ZNF333: variants seen among roughly 807,000 people sequenced by gnomAD.
ZNF333 encodes the protein zinc finger protein 333.
A neutral mutation model predicts 76.1 loss-of-function variants in ZNF333; 61 were observed. The observed-to-expected ratio is 0.80, with a 90% confidence interval of 0.65 to 0.99. ZNF333 has a LOEUF of 0.99. ZNF333 is among the 50% of genes least tolerant of loss of function. The pLI is 0.00. For missense variants in ZNF333, 717 were observed against 822.4 expected (o/e 0.87, Z 1.57); for synonymous variants, 284 against 305.0 (o/e 0.93, Z 0.72).
chr19:14,706,556 G>A (rs1290531876), intron 6 of ZNF333, 130 bp from the exon 7 acceptor site: 7 of 754,452 alleles, frequency 9.3e-6, no homozygotes, highest in African/African-American at 7.0e-5. Context: ...AGGTAAATGG[G>A]TCTCTCTCTT....
chr19:14,708,366 G>A (rs1019023421), intron 7 of ZNF333: 8 of 401,086 alleles, frequency 2.0e-5, no homozygotes, highest in Non-Finnish European at 3.5e-5. Flanking sequence ...GTGAGATGGG[G>A]ACCAGGAAAC....
chr19:14,694,364 T>C (rs1476370028), intron 2 of ZNF333, among the ~76,000 whole-genome samples: 8 of 151,996 alleles, frequency 5.3e-5, no homozygotes, highest in Non-Finnish European at 1.0e-4. Context: ...TCCCAGCTAC[T>C]TGGGAGGCTG....
Position 14,706,715 on chromosome 19 carries a change from G to A in ZNF333, c.453G>A (p.Arg151=), listed in dbSNP as rs1253115316. 8 of 1,613,946 alleles carry A rather than the reference G, an allele frequency of 5.0e-6. No individual in the cohort carries two copies. Among genetic ancestry groups the A allele is most frequent in the Non-Finnish European group, 6.8e-6 (8 of 1,180,004 alleles). Residue 151 remains arginine, a synonymous_variant, in exon 7 of 12, where the codon AGG becomes AGA. Coordinates refer to ENST00000292530, the MANE Select transcript of ZNF333 (RefSeq NM_032433.4). ...TGLKAAMQIQ[R]VVIPVPTLGH... ...TGAAGGCCGCTATGCAGATTCAGAG[G>A]GTGGTGATACCAGTGCCTACTCTGG...
intron 6 of ZNF333, chr19:14,706,134 C>T (rs1051735943): frequency 9.0e-5 from 41 of 457,496 alleles, no homozygotes; most frequent in Admixed American, 7.8e-4. Context: ...CCAGAGCCAC[C>T]GTTAGTTCTC....
chr19:14,701,934 C>T (rs988981637), intron 5 of ZNF333: 37 of 979,476 alleles, frequency 3.8e-5, no homozygotes, highest in East Asian at 1.1e-4. Flanking sequence ...CAGACCTAAC[C>T]GCAGAGACCA....
chr19:14,707,100 T>G (rs2042131890), intron 7 of ZNF333: 1 of 251,898 alleles, frequency 4.0e-6, no homozygotes, highest in South Asian at 6.6e-5. Context: ...GTGTTTTAAC[T>G]GTGTTTTTAT....
chr19:14,718,564 A>G lies in ZNF333; in HGVS notation c.1237A>G (p.Met413Val). 6.2e-7 allele frequency: 1 copy of G among 1,614,152 alleles called. No individual in the cohort carries two copies. Among genetic ancestry groups the G allele is most frequent in the Non-Finnish European group, 8.5e-7 (1 of 1,180,006 alleles). The change falls in exon 12 of 12, where the codon ATG becomes GTG. Residue 413 changes from methionine (M) to valine (V), a missense_variant. Physicochemically the swap from Met to Val is conservative, Grantham distance 21. Coordinates refer to ENST00000292530, the MANE Select transcript of ZNF333 (RefSeq NM_032433.4). The stretch of plus-strand genomic sequence containing the variant: ...ATATTCCTCGAATCTCCGGCGACAC[A>G]TGAGAACCCATACCGGAGAGAAGCC... Reference protein sequence around the residue: ...FKYSSNLRRHMRTHTGEKPFE... With the variant: ...FKYSSNLRRHVRTHTGEKPFE...
chr19:14,729,301 C>A, intron 11 of ZNF333, among the ~76,000 whole-genome samples: 1 of 152,138 alleles, frequency 6.6e-6, no homozygotes, highest in East Asian at 1.9e-4. Context: ...AGCAGCATCC[C>A]TGGACTATTA....
In ZNF333 at chr19:14,695,559, T is replaced by C. The variant is rs377193363; in HGVS notation, c.128-7T>C. On this transcript the variant is annotated splice_region_variant and splice_polypyrimidine_tract_variant and intron_variant, in intron 3 of 11. Coordinates refer to ENST00000292530, the MANE Select transcript of ZNF333 (RefSeq NM_032433.4). Reference sequence around the variant, plus strand: ...CTCTCAGTGCCTGTGTCTTTCTTCATGTGCAGGAACTCCACCATGCAAACC... The same window carrying C: ...CTCTCAGTGCCTGTGTCTTTCTTCACGTGCAGGAACTCCACCATGCAAACC... 52 of 1,613,902 alleles carry C rather than the reference T, an allele frequency of 3.2e-5. No homozygotes were observed. The highest frequency in any genetic ancestry group is 4.2e-5 in the Non-Finnish European group (50 of 1,179,922).
rs918497431 is a variant in ZNF333 at position 14,719,649 on chromosome 19, T to C, written c.*324T>C. 9.2e-7 allele frequency: 1 copy of C among 1,086,262 alleles called. No homozygotes were observed. The highest frequency in any genetic ancestry group is 1.1e-6 in the Non-Finnish European group (1 of 894,686). 67.3% of individuals were successfully genotyped at this position (1,086,262 alleles called of 1,614,324 possible). The stretch of plus-strand genomic sequence containing the variant: ...TCCAGATATAGAATGTTTCTATCTC[T>C]CTGGAAGGTTCCTGCATGTTATATG... On this transcript the variant is annotated 3_prime_UTR_variant, in exon 12 of 12. Coordinates refer to ENST00000292530, the MANE Select transcript of ZNF333 (RefSeq NM_032433.4).
chr19:14,708,605 ACT>A (rs1489369970), intron 7 of ZNF333: 1 of 371,286 alleles, frequency 2.7e-6, no homozygotes, highest in Non-Finnish European at 4.8e-6. Flanking sequence ...GGGCCTGTTC[ACT>A]CTCAGCTGTG....
In ZNF333 at chr19:14,693,583, C is replaced by T. The variant is rs768541134; in HGVS notation, c.3+89C>T. 7.9e-5 allele frequency: 115 copies of T among 1,450,528 alleles called. 1 individual carries two copies. The Admixed American group carries it at 8.3e-4, about 10-fold the overall frequency. The allele number at this position is 1,450,528 out of a possible 1,614,324, so 89.9% of individuals were successfully genotyped here. Reference sequence around the variant, plus strand: ...GCCCTGTCTTCTCTCTCGCCACTTCCGTCCCCAACTGAGGAAGAAAGGGAA... The same window carrying T: ...GCCCTGTCTTCTCTCTCGCCACTTCTGTCCCCAACTGAGGAAGAAAGGGAA... On this transcript the variant is annotated intron_variant, in intron 2 of 11. Transcript: ENST00000292530.
In ZNF333 at chr19:14,720,470, C is replaced by G. The variant is rs1316797891; in HGVS notation, c.*1145C>G. ...GCCGGAAGTCATAACCATCTTGCTT[C>G]TGTAATCTAAAAAATATTTAGGATA... On this transcript the variant is annotated 3_prime_UTR_variant, in exon 12 of 12. Coordinates refer to ENST00000292530, the MANE Select transcript of ZNF333 (RefSeq NM_032433.4). 3 of 985,270 alleles carry G rather than the reference C, an allele frequency of 3.0e-6. No individual in the cohort carries two copies. The highest frequency in any genetic ancestry group is 2.3e-4 in the East Asian group (2 of 8,832). The allele number at this position is 985,270 out of a possible 1,614,324, so 61.0% of individuals were successfully genotyped here.
chr19:14,694,474 AAAAAAAAAG>A (rs1464648990), intron 2 of ZNF333, among the ~76,000 whole-genome samples: 2 of 127,784 alleles, frequency 1.6e-5, no homozygotes, highest in Admixed American at 8.3e-5. Context: ...CTGTCTCAAA[AAAAAAAAAG>A]AAAAAAAGAA....
At chr19:14,729,132 TG>T (rs1247320263) in intron 11 of ZNF333, among the ~76,000 whole-genome samples, 3 of 152,076 alleles carry the variant, frequency 2.0e-5, no homozygotes, top group African/African-American at 7.2e-5. Context: ...TATAGTAACT[TG>T]GGGCAGGGAG....
At position 14,711,111 on chromosome 19, in the gene ZNF333, C is replaced by T. The variant is rs369984133; in HGVS notation, c.512-4271C>T. 1.1e-4 allele frequency among the ~76,000 whole-genome samples: 17 copies of T among 152,276 alleles called. No individual in the cohort carries two copies. In the South Asian group the frequency reaches 2.7e-3, roughly 24 times the overall value. On this transcript the variant is annotated intron_variant, in intron 7 of 11. Transcript: ENST00000292530. The stretch of plus-strand genomic sequence containing the variant: ...TCTTGAGGGATCTGCCCCCAAGTCC[C>T]GCCTCCGACACTGGGGATTAACGTT...
At chr19:14,723,936 C>T (rs2042617930), downstream of ZNF333, among the ~76,000 whole-genome samples, 1 of 152,172 alleles carries the variant, frequency 6.6e-6, no homozygotes, top group South Asian at 2.1e-4. Context: ...CTCATCCAAT[C>T]CAGGATGCTG....
intron 9 of ZNF333, 132 bp downstream of exon 9, chr19:14,716,370 C>T: frequency 9.6e-7 from 1 of 1,045,640 alleles, no homozygotes; most frequent in Non-Finnish European, 1.3e-6. Flanking sequence ...GTGATCCTCC[C>T]ACCCCAGCCT....
downstream of ZNF333, among the ~76,000 whole-genome samples, chr19:14,725,701 C>A (rs987386902): frequency 1.3e-5 from 2 of 152,362 alleles, no homozygotes; most frequent in South Asian, 4.1e-4. Flanking sequence ...GCTCCAAAAT[C>A]TCCTTTGACT....
Sources: gnomAD v4.1 joint callset for allele counts (sites outside exome capture counted in the v4.1 genomes callset) on GRCh38, gnomAD v4.1.1 for gene constraint, MANE v1.5 for transcripts, NCBI Gene and HGNC (gene_info 2026-07-23, HGNC 2026-07-21) for gene names.